The following BCAM variants were observed in gnomAD, a reference collection of about 807,000 sequenced individuals.
The protein encoded by BCAM is basal cell adhesion molecule.
BCAM carries 61 observed loss-of-function variants against 72.4 expected under a neutral mutation model. That is an observed-to-expected ratio of 0.84 (90% CI 0.69 to 1.04). The LOEUF (loss-of-function observed/expected upper bound fraction) is 1.04, where lower values mean the gene tolerates loss of function less well. Ranked by LOEUF, BCAM falls within the 50% of genes least tolerant of loss-of-function variation. The pLI is 0.00. For missense variants in BCAM, 909 were observed against 895.0 expected (o/e 1.02, Z -0.20); for synonymous variants, 408 against 384.2 (o/e 1.06, Z -0.73).
chr19:44,820,495 C>T, intron 13 of BCAM: 2 of 1,264,320 alleles, frequency 1.6e-6, no homozygotes, highest in Non-Finnish European at 9.9e-7. Context: ...CACCTCCAAC[C>T]CCAATAGCAT....
rs767780489 is a variant in BCAM, at chr19:44,820,723, G to A, written c.1782G>A (p.Gly594=). 9 of 1,441,988 alleles carry A rather than the reference G, an allele frequency of 6.2e-6. No individual in the cohort carries two copies. The highest frequency in any genetic ancestry group is 4.2e-4 in the Middle Eastern group (2 of 4,734). The allele number at this position is 1,441,988 out of a possible 1,614,324, so 89.3% of individuals were successfully genotyped here. A position where few individuals can be genotyped will look rare whatever the true frequency, so the allele number is the denominator to read the frequency against. ...EKGAPPPGEP[G]LSHSGSEQPE... ...CCCCCAGGCCGCCAGGGGAGCCAGG[G>A]CTGAGCCACTCGGGGTCGGAGCAAC... Residue 594 remains glycine, a synonymous_variant, in exon 14 of 15, where the codon GGG becomes GGA. Coordinates refer to ENST00000270233, the MANE Select transcript of BCAM (RefSeq NM_005581.5).
chr19:44,813,178 A>G lies in BCAM; in HGVS notation c.505-72A>G. 1 of 1,526,120 alleles carries G rather than the reference A, an allele frequency of 6.6e-7. No homozygotes were observed. Among genetic ancestry groups the G allele is most frequent in the Non-Finnish European group, 9.0e-7 (1 of 1,113,006 alleles). The allele number at this position is 1,526,120 out of a possible 1,614,324, so 94.5% of individuals were successfully genotyped here. A position where few individuals can be genotyped will look rare whatever the true frequency, so the allele number is the denominator to read the frequency against. On this transcript the variant is annotated intron_variant, in intron 4 of 14. Coordinates refer to ENST00000270233, the MANE Select transcript of BCAM (RefSeq NM_005581.5). This position sits in a 1 kb window ranked among gnomAD's most constrained non-coding sequence, Gnocchi z 4.2. ...CCGGCTCATGAGTCTGAGTGGGGAG[A>G]ACTCCTGAGAGAGGAGCCCCGACTT...
chr19:44,820,708 G>A lies in BCAM; in HGVS notation c.1767G>A (p.Pro589=), dbSNP rs773915365. 1.1e-5 allele frequency: 15 copies of A among 1,380,418 alleles called. No individual in the cohort carries two copies. The highest frequency in any genetic ancestry group is 5.6e-5 in the East Asian group (2 of 35,828). 85.5% of individuals were successfully genotyped at this position (1,380,418 alleles called of 1,614,324 possible). A position where few individuals can be genotyped will look rare whatever the true frequency, so the allele number is the denominator to read the frequency against. The change falls in exon 14 of 15, where the codon CCG becomes CCA. Residue 589 remains proline (P), a synonymous_variant. Transcript: ENST00000270233. ...CRQRREKGAP[P]PGEPGLSHSG... The stretch of plus-strand genomic sequence containing the variant: ...GCCCGCTGCCTCCTCCCCCCAGGCC[G>A]CCAGGGGAGCCAGGGCTGAGCCACT...
At chr19:44,820,682 C>T (rs745789675) in intron 13 of BCAM, 23 bp from the exon 14 acceptor site, 34 of 1,400,292 alleles carry the variant, frequency 2.4e-5, no homozygotes, top group South Asian at 8.3e-5. Context: ...ACGACGCCTC[C>T]GCCCGCTGCC....
chr19:44,813,273 C>T lies in BCAM; in HGVS notation c.528C>T (p.Asn176=), dbSNP rs761120171. ...AQEIATCNSR[N]GNPAPKITWY... ...AGATCGCCACCTGCAACAGCCGGAACGGGAACCCGGCCCCCAAGATCACGT... is the reference window on the plus strand; with the variant it reads ...AGATCGCCACCTGCAACAGCCGGAATGGGAACCCGGCCCCCAAGATCACGT... The change falls in exon 5 of 15, where the codon AAC becomes AAT. Residue 176 remains asparagine, a synonymous_variant. Transcript: ENST00000270233. The surrounding 1 kb of genome is among the most constrained non-coding windows in gnomAD (Gnocchi z 4.2). 7.4e-6 allele frequency: 12 copies of T among 1,613,986 alleles called. No individual in the cohort carries two copies. Among genetic ancestry groups the T allele is most frequent in the Middle Eastern group, 1.6e-4 (1 of 6,082 alleles).
At position 44,813,177 on chromosome 19, in the gene BCAM, G is replaced by A; in HGVS notation, c.505-73G>A. ...CCCGGCTCATGAGTCTGAGTGGGGA[G>A]AACTCCTGAGAGAGGAGCCCCGACT... is the stretch of plus-strand genomic sequence containing the variant. On this transcript the variant is annotated intron_variant, in intron 4 of 14. Transcript: ENST00000270233. The surrounding 1 kb of genome is among the most constrained non-coding windows in gnomAD (Gnocchi z 4.2). The A allele has an allele frequency of 1.3e-6, 2 of 1,526,050 alleles. No homozygotes were observed. Among genetic ancestry groups the A allele is most frequent in the Non-Finnish European group, 1.8e-6 (2 of 1,112,928 alleles). 94.5% of individuals were successfully genotyped at this position (1,526,050 alleles called of 1,614,324 possible). A position where few individuals can be genotyped will look rare whatever the true frequency, so the allele number is the denominator to read the frequency against.
chr19:44,813,460 G>T lies in BCAM; in HGVS notation c.624G>T (p.Thr208=). The change falls in exon 6 of 15, where the codon ACG becomes ACT. Residue 208 remains threonine (T), a synonymous_variant. Coordinates refer to ENST00000270233, the MANE Select transcript of BCAM (RefSeq NM_005581.5). This position sits in a 1 kb window ranked among gnomAD's most constrained non-coding sequence, Gnocchi z 4.2. ...MNPEGYMTSR[T]VREASGLLSL... ...CAGAGGGCTACATGACCAGCCGCACGGTCCGGGAGGCCTCGGGCCTGCTCT... is the reference window on the plus strand; with the variant it reads ...CAGAGGGCTACATGACCAGCCGCACTGTCCGGGAGGCCTCGGGCCTGCTCT... The T allele has an allele frequency of 6.2e-7, 1 of 1,611,576 alleles. No homozygotes were observed. Among genetic ancestry groups the T allele is most frequent in the Non-Finnish European group, 8.5e-7 (1 of 1,179,682 alleles).
At position 44,818,887 on chromosome 19, in the gene BCAM, A is replaced by G. The variant is rs1326785030; in HGVS notation, c.1336+5A>G. 1.9e-6 allele frequency: 3 copies of G among 1,612,808 alleles called. No individual in the cohort carries two copies. The highest frequency in any genetic ancestry group is 4.5e-5 in the East Asian group (2 of 44,872). ...ACTTCACGCTGCTGGTCCAAGGTTC[A>G]GGGGGCAGGGAGGGGGTGGGCTTGG... On this transcript the variant is annotated splice_donor_5th_base_variant and intron_variant, in intron 10 of 14. Transcript: ENST00000270233. The surrounding 1 kb of genome is among the most constrained non-coding windows in gnomAD (Gnocchi z 4.6).
chr19:44,816,887 T>C (rs1025551202), intron 8 of BCAM, among the ~76,000 whole-genome samples: 4 of 151,546 alleles, frequency 2.6e-5, no homozygotes, highest in Non-Finnish European at 2.9e-5. Context: ...TGCAGTGAGC[T>C]GAGATCGTGC....
At position 44,821,233 on chromosome 19, in the gene BCAM, G is replaced by A. The variant is rs868124874; in HGVS notation, c.*312G>A. The A allele has an allele frequency of 3.4e-5, 12 of 356,438 alleles. No homozygotes were observed. The highest frequency in any genetic ancestry group is 1.0e-4 in the South Asian group (1 of 10,032). 22.1% of individuals were successfully genotyped at this position (356,438 alleles called of 1,614,324 possible). A position where few individuals can be genotyped will look rare whatever the true frequency, so the allele number is the denominator to read the frequency against. On this transcript the variant is annotated 3_prime_UTR_variant, in exon 15 of 15. Transcript: ENST00000270233. The stretch of plus-strand genomic sequence containing the variant: ...ACAAGGCTCCGAGGGTCGGCTGGCC[G>A]GAGCTATTTTTACCTCCCGCCTCCC...
Position 44,813,163 on chromosome 19 carries a change from A to G in BCAM, c.505-87A>G, listed in dbSNP as rs1264850128. 2 of 1,446,804 alleles carry G rather than the reference A, an allele frequency of 1.4e-6. No homozygotes were observed. Among genetic ancestry groups the G allele is most frequent in the African/African-American group, 2.8e-5 (2 of 70,706 alleles). The allele number at this position is 1,446,804 out of a possible 1,614,324, so 89.6% of individuals were successfully genotyped here. A position where few individuals can be genotyped will look rare whatever the true frequency, so the allele number is the denominator to read the frequency against. Reference sequence around the variant, plus strand: ...TCGGGAGTTAGGAGCCCGGCTCATGAGTCTGAGTGGGGAGAACTCCTGAGA... The same window carrying G: ...TCGGGAGTTAGGAGCCCGGCTCATGGGTCTGAGTGGGGAGAACTCCTGAGA... On this transcript the variant is annotated intron_variant, in intron 4 of 14. Coordinates refer to ENST00000270233, the MANE Select transcript of BCAM (RefSeq NM_005581.5). The surrounding 1 kb of genome is among the most constrained non-coding windows in gnomAD (Gnocchi z 4.2).
At chr19:44,809,869 G>A (rs1235181395) in intron 1 of BCAM, among the ~76,000 whole-genome samples, 21 of 151,914 alleles carry the variant, frequency 1.4e-4, no homozygotes, top group Non-Finnish European at 2.8e-4. Flanking sequence ...CCGGGGGCTG[G>A]GGGGTGGGGG....
In BCAM at chr19:44,812,437, G is replaced by T. The variant is rs12609306; in HGVS notation, c.434-41G>T. On this transcript the variant is annotated intron_variant, in intron 3 of 14. Transcript: ENST00000270233. The surrounding 1 kb of genome is among the most constrained non-coding windows in gnomAD (Gnocchi z 5.3). ...CCCGAAGGGAGGCAGGCAGGGAGGG[G>T]CGCAGGGCAGGGGCTCCTGACGTGA... The T allele has an allele frequency of 0.011, 18,271 of 1,614,158 alleles. 659 individuals are homozygous for T. Among genetic ancestry groups the T allele is most frequent in the East Asian group, 0.11 (4,996 of 44,880 alleles).
In BCAM at chr19:44,811,309, C is replaced by G; in HGVS notation, c.167C>G (p.Thr56Arg). ...TCTGTCATTCTGGACTGCACCCCTA[C>G]GGGAACCCACGACCATTATATGCTG... ...GKSVILDCTP[T>R]GTHDHYMLEW... The change falls in exon 2 of 15, where the codon ACG (threonine) becomes AGG (arginine). Residue 56 changes from threonine (T) to arginine (R), a missense_variant. Transcript: ENST00000270233. The G allele has an allele frequency of 1.2e-6, 2 of 1,613,588 alleles. No individual in the cohort carries two copies. The highest frequency in any genetic ancestry group is 2.2e-5 in the South Asian group (2 of 91,068).
At chr19:44,817,969 G>A (rs554480113) in intron 8 of BCAM, among the ~76,000 whole-genome samples, 12 of 152,334 alleles carry the variant, frequency 7.9e-5, no homozygotes, top group African/African-American at 1.2e-4. Context: ...CAGGAAGCCA[G>A]AGGATTTGTC....
In BCAM at chr19:44,818,373, T is replaced by C; in HGVS notation, c.1079-149T>C. ...GAGAGCCTGGATGGGAGAATGGAGA[T>C]TTCATGGAGATGGGGTAAACCAGGA... is the stretch of plus-strand genomic sequence containing the variant. On this transcript the variant is annotated intron_variant, in intron 8 of 14. Coordinates refer to ENST00000270233, the MANE Select transcript of BCAM (RefSeq NM_005581.5). The surrounding 1 kb of genome is among the most constrained non-coding windows in gnomAD (Gnocchi z 4.6). The C allele has an allele frequency of 4.7e-6, 3 of 637,168 alleles. No individual in the cohort carries two copies. The South Asian group carries it at 6.0e-5, about 13-fold the overall frequency. 39.5% of individuals were successfully genotyped at this position (637,168 alleles called of 1,614,324 possible).
chr19:44,810,402 C>T (rs1395819545), intron 1 of BCAM, among the ~76,000 whole-genome samples: 4 of 152,104 alleles, frequency 2.6e-5, no homozygotes, highest in Non-Finnish European at 5.9e-5. Context: ...GCCAGCCTGT[C>T]CCTCCCACAT....
chr19:44,813,569 G>C lies in BCAM; in HGVS notation c.733G>C (p.Glu245Gln). Residue 245 changes from glutamate (E) to glutamine (Q), a missense_variant, in exon 6 of 15, where the codon GAG becomes CAG. Coordinates refer to ENST00000270233, the MANE Select transcript of BCAM (RefSeq NM_005581.5). The surrounding 1 kb of genome is among the most constrained non-coding windows in gnomAD (Gnocchi z 4.2). ...FHCAAHYSLP[E>Q]GRHGRLDSPT... ...CTGCGCCGCCCACTACAGCCTGCCC[G>C]AGGGCCGCCACGGCCGCCTGGACAG... 6.2e-7 allele frequency: 1 copy of C among 1,612,554 alleles called. No individual in the cohort carries two copies. Among genetic ancestry groups the C allele is most frequent in the African/African-American group, 1.3e-5 (1 of 75,020 alleles).
At chr19:44,820,121 A>C in intron 13 of BCAM, 1 of 1,027,674 alleles carries the variant, frequency 9.7e-7, no homozygotes, top group Non-Finnish European at 1.2e-6. Flanking sequence ...ACCCCCTTCA[A>C]ACCATCCTCA....
Sources: gnomAD v4.1 joint callset for allele counts (sites outside exome capture counted in the v4.1 genomes callset) on GRCh38, gnomAD v4.1.1 for gene constraint, Gnocchi (gnomAD v3.1) non-coding constraint, MANE v1.5 for transcripts, NCBI Gene and HGNC (gene_info 2026-07-23, HGNC 2026-07-21) for gene names.